The following HR variants were observed in gnomAD, a reference collection of about 807,000 sequenced individuals.
HR encodes the protein lysine-specific demethylase hairless.
Under a neutral mutation model 128.6 loss-of-function variants are expected in HR, and 83 were observed. The ratio of observed to expected loss-of-function variants is 0.65; its 90% CI spans 0.54 to 0.77. The LOEUF is 0.77. Among genes scored for constraint, HR ranks in the 30% least tolerant of loss-of-function variants. The pLI is 0.00. For synonymous variants in HR, 681 were observed against 658.2 expected (o/e 1.03, Z -0.53); for missense variants, 1,490 against 1,574.6 (o/e 0.95, Z 0.91).
At chr8:22,120,065 TG>T in intron 13 of HR, 38 bp downstream of exon 13, 1 of 1,568,526 alleles carries the variant, frequency 6.4e-7, no homozygotes, top group Non-Finnish European at 8.6e-7. Flanking sequence ...GGGCCTGCGG[TG>T]GCGGGGAGGT....
chr8:22,115,459 T>C lies in HR; in HGVS notation c.*241A>G. On this transcript the variant is annotated 3_prime_UTR_variant, in exon 19 of 19. Transcript: ENST00000381418. The stretch of plus-strand genomic sequence containing the variant: ...TGCCCCCAGTGCGGGCCTGGTACCA[T>C]GAAAAGGGGCACAGGGTGGGGGAGA... 5.0e-6 allele frequency: 3 copies of C among 599,194 alleles called. No homozygotes were observed. In the East Asian group the frequency reaches 8.4e-5, roughly 17 times the overall value. 37.1% of individuals were successfully genotyped at this position (599,194 alleles called of 1,614,324 possible). A position where few individuals can be genotyped will look rare whatever the true frequency, so the allele number is the denominator to read the frequency against.
In HR at chr8:22,119,074, G is replaced by A; in HGVS notation, c.3098-9C>T. On this transcript the variant is annotated splice_polypyrimidine_tract_variant and intron_variant, in intron 15 of 18. Coordinates refer to ENST00000381418, the MANE Select transcript of HR (RefSeq NM_005144.5). ...CAGGCCTGAAAGGAAGTCTGAGGAG[G>A]AAAGAGCGCTCAGGCAGGCCCAGGG... 6.2e-7 allele frequency: 1 copy of A among 1,613,510 alleles called. No individual in the cohort carries two copies. Among genetic ancestry groups the A allele is most frequent in the Middle Eastern group, 1.6e-4 (1 of 6,062 alleles).
chr8:22,125,532 A>C (rs1563182975), intron 4 of HR, 28 bp from the exon 5 acceptor site: 1 of 1,613,112 alleles, frequency 6.2e-7, no homozygotes, highest in Non-Finnish European at 8.5e-7. Flanking sequence ...GGAGGTGAGC[A>C]GGGAGCCCTG....
intron 5 of HR, among the ~76,000 whole-genome samples, chr8:22,124,515 T>G (rs1021796264): frequency 2.6e-5 from 4 of 152,080 alleles, no homozygotes; most frequent in Admixed American, 6.6e-5. Context: ...TCAGAGGTGG[T>G]TAGGACTTGC....
chr8:22,129,823 G>T (rs1030837139), intron 1 of HR, among the ~76,000 whole-genome samples: 4 of 152,194 alleles, frequency 2.6e-5, no homozygotes, highest in Admixed American at 2.6e-4. Context: ...CTACACCTGG[G>T]CGGCCCTGAG....
chr8:22,120,787 A>G lies in HR; in HGVS notation c.2539T>C (p.Trp847Arg). The G allele has an allele frequency of 6.5e-7, 1 of 1,535,826 alleles. No homozygotes were observed. The highest frequency in any genetic ancestry group is 2.5e-5 in the East Asian group (1 of 40,674). ...GGGCAAGGCTGGGGCTCCTGCAGCC[A>G]CAGCAAAGCCCCTGGGGGAGGCAGC... is the stretch of plus-strand genomic sequence containing the variant. ...PRLPPPGALL[W>R]LQEPQPCPRR... The change falls in exon 11 of 19, where the codon TGG (tryptophan) becomes CGG (arginine). Residue 847 changes from tryptophan (W) to arginine (R), a missense_variant. Trp to Arg is a moderately radical substitution (Grantham distance 101). Around this residue, in one of 3 missense-constraint regions of HR, gnomAD observed 423 missense variants for 495.9 expected, o/e 0.85. Coordinates refer to ENST00000381418, the MANE Select transcript of HR (RefSeq NM_005144.5).
Position 22,116,374 on chromosome 8 carries a change from T to A in HR, c.3433A>T (p.Thr1145Ser). 6.2e-7 allele frequency: 1 copy of A among 1,613,306 alleles called. No individual in the cohort carries two copies. Among genetic ancestry groups the A allele is most frequent in the Non-Finnish European group, 8.5e-7 (1 of 1,179,854 alleles). The change falls in exon 18 of 19, where the codon ACC (threonine) becomes TCC (serine). Residue 1145 changes from threonine to serine, a missense_variant. Thr to Ser is a moderately conservative substitution (Grantham distance 58). Transcript: ENST00000381418. This position sits in a 1 kb window ranked among gnomAD's most constrained non-coding sequence, Gnocchi z 4.2. ...SVTQHFLSPE[T>S]SALSAQLCHQ... ...CAGAGCTGAGCAGAGAGGGCAGAGG[T>A]CTCAGGGGAGAGGAAGTGCTGAGTG...
intron 2 of HR, 47 bp from the exon 3 acceptor site, chr8:22,127,876 A>T (rs749472620): frequency 1.9e-6 from 3 of 1,551,180 alleles, no homozygotes; most frequent in African/African-American, 2.7e-5. Context: ...TGGGCTCCCC[A>T]TGCCTAAATG....
chr8:22,118,776 G>C, intron 16 of HR, 174 bp downstream of exon 16: 1 of 620,126 alleles, frequency 1.6e-6, no homozygotes, highest in Non-Finnish European at 2.9e-6. Context: ...CCCCACGGCA[G>C]AACTCCGGGT....
chr8:22,119,628 A>AAAAG, intron 14 of HR, 132 bp downstream of exon 14: 1 of 1,236,716 alleles, frequency 8.1e-7, no homozygotes, highest in South Asian at 1.6e-5. Flanking sequence ...AAAAAAAAAA[A>AAAAG]AAAGAAAGAA....
chr8:22,129,038 C>T lies in HR; in HGVS notation c.133G>A (p.Glu45Lys). 2 of 1,604,732 alleles carry T rather than the reference C, an allele frequency of 1.2e-6. No homozygotes were observed. The highest frequency in any genetic ancestry group is 1.7e-6 in the Non-Finnish European group (2 of 1,175,036). The change falls in exon 2 of 19, where the codon GAG becomes AAG. Residue 45 changes from glutamate to lysine, a missense_variant. Around this residue, in one of 3 missense-constraint regions of HR, gnomAD observed 1,060 missense variants for 1,060.9 expected, o/e 1.00. Transcript: ENST00000381418. ...ACGCCCCTCCAAAAGGGAGCAGGCT[C>T]TCCCAGGCACAGCGGCCCATGGTGC... ...GLHHGPLCLGEPAPFWRGVLS... is the reference protein window; with the variant it reads ...GLHHGPLCLGKPAPFWRGVLS...
rs1827025613 is a variant in HR at position 22,130,553 on chromosome 8, T to A, written c.-166A>T. On this transcript the variant is annotated 5_prime_UTR_variant, in exon 1 of 19. Coordinates refer to ENST00000381418, the MANE Select transcript of HR (RefSeq NM_005144.5). Reference sequence around the variant, plus strand: ...CGGGCGAGGACGCGTTCTCCCGCTCTGTCTGCTCAGCGCGCTCGCGCTCTC... The same window carrying A: ...CGGGCGAGGACGCGTTCTCCCGCTCAGTCTGCTCAGCGCGCTCGCGCTCTC... 6.6e-6 allele frequency: 1 copy of A among 152,282 alleles called. No individual in the cohort carries two copies. The highest frequency in any genetic ancestry group is 1.5e-5 in the Non-Finnish European group (1 of 68,104). 9.4% of individuals were successfully genotyped at this position (152,282 alleles called of 1,614,324 possible). A position where few individuals can be genotyped will look rare whatever the true frequency, so the allele number is the denominator to read the frequency against.
Position 22,115,618 on chromosome 8 carries a change from C to A in HR, c.*82G>T, listed in dbSNP as rs112057122. The A allele has an allele frequency of 3.1e-3, 3,840 of 1,226,796 alleles. 103 individuals are homozygous for A. The African/African-American group carries it at 0.047, about 15-fold the overall frequency. 76.0% of individuals were successfully genotyped at this position (1,226,796 alleles called of 1,614,324 possible). A position where few individuals can be genotyped will look rare whatever the true frequency, so the allele number is the denominator to read the frequency against. On this transcript the variant is annotated 3_prime_UTR_variant, in exon 19 of 19. Coordinates refer to ENST00000381418, the MANE Select transcript of HR (RefSeq NM_005144.5). ...GACCAGAAATCCCCAAGTCCCCTAG[C>A]GCCATCCCCTGCTGAAGTTGTGCCT...
Position 22,122,775 on chromosome 8 carries a change from T to G in HR, c.2005+15A>C. ...ACCCAACCTCTGCACGCCCCACCCCTCCAAGATGGCTCACCCTGGCTGGAG... is the reference window on the plus strand; with the variant it reads ...ACCCAACCTCTGCACGCCCCACCCCGCCAAGATGGCTCACCCTGGCTGGAG... On this transcript the variant is annotated intron_variant, in intron 7 of 18. Transcript: ENST00000381418. 6.4e-7 allele frequency: 1 copy of G among 1,550,398 alleles called. No homozygotes were observed. Among genetic ancestry groups the G allele is most frequent in the Non-Finnish European group, 8.7e-7 (1 of 1,147,026 alleles).
chr8:22,123,678 G>A lies in HR; in HGVS notation c.1886C>T (p.Ala629Val). 7.6e-7 allele frequency: 1 copy of A among 1,314,672 alleles called. No homozygotes were observed. The highest frequency in any genetic ancestry group is 4.8e-5 in the East Asian group (1 of 20,916). 81.4% of individuals were successfully genotyped at this position (1,314,672 alleles called of 1,614,324 possible). A position where few individuals can be genotyped will look rare whatever the true frequency, so the allele number is the denominator to read the frequency against. The change falls in exon 6 of 19, where the codon GCA (alanine) becomes GTA (valine). Residue 629 changes from alanine (A) to valine (V), a missense_variant. Transcript: ENST00000381418. Reference sequence around the variant, plus strand: ...TTTCTCCCTGGCCCGCCCAGTGCCTGCCACACGACCACAGGCCACACACAG... The same window carrying A: ...TTTCTCCCTGGCCCGCCCAGTGCCTACCACACGACCACAGGCCACACACAG... ...HRLCVACGRVAGTGRAREKAG... is the reference protein window; with the variant it reads ...HRLCVACGRVVGTGRAREKAG...
At position 22,116,409 on chromosome 8, in the gene HR, G is replaced by A. The variant is rs1355668517; in HGVS notation, c.3398C>T (p.Thr1133Ile). The stretch of plus-strand genomic sequence containing the variant: ...GAGGAAGTGCTGAGTGACGCTGACT[G>A]TGCTCACCAGGCCCTGCACCTGTGT... ...APHQVQGLVS[T>I]VSVTQHFLSP... The change falls in exon 18 of 19, where the codon ACA becomes ATA. Residue 1133 changes from threonine to isoleucine, a missense_variant. Coordinates refer to ENST00000381418, the MANE Select transcript of HR (RefSeq NM_005144.5). The surrounding 1 kb of genome is among the most constrained non-coding windows in gnomAD (Gnocchi z 4.2). 6.2e-7 allele frequency: 1 copy of A among 1,613,706 alleles called. No homozygotes were observed. Among genetic ancestry groups the A allele is most frequent in the Non-Finnish European group, 8.5e-7 (1 of 1,179,934 alleles).
intron 16 of HR, 109 bp downstream of exon 16, chr8:22,118,841 G>A: frequency 1.1e-6 from 1 of 914,300 alleles, no homozygotes; most frequent in Non-Finnish European, 1.7e-6. Context: ...CAGCTCACCT[G>A]AGGGCGTGGG....
intron 16 of HR, chr8:22,118,733 C>A (rs879411127): frequency 3.4e-5 from 20 of 593,258 alleles, no homozygotes; most frequent in Non-Finnish European, 5.1e-5. Context: ...CGGGTCCAGG[C>A]TCTCCTGCCG....
intron 6 of HR, 33 bp downstream of exon 6, chr8:22,123,616 A>AGGGGGGGGGCCCCC: frequency 5.3e-6 from 3 of 562,348 alleles, no homozygotes; most frequent in Middle Eastern, 5.1e-4. Flanking sequence ...TGAGGGCTCC[A>AGGGGGGGGGCCCCC]TCCCGCCCTC....
Sources: allele counts gnomAD v4.1 joint callset (sites outside exome capture counted in the v4.1 genomes callset), GRCh38; gene constraint gnomAD v4.1.1; regional missense constraint gnomAD v4.1.1; non-coding constraint Gnocchi (gnomAD v3.1); transcripts MANE v1.5; gene names NCBI Gene and HGNC (gene_info 2026-07-23, HGNC 2026-07-21).